Variants in SDCBP observed in about 807,000 individuals in gnomAD.
The protein encoded by SDCBP is syntenin-1.
Under a neutral mutation model 30.5 loss-of-function variants are expected in SDCBP, and 22 were observed. That is an observed-to-expected ratio of 0.72 (90% confidence interval 0.52 to 1.03). The LOEUF (loss-of-function observed/expected upper bound fraction) is 1.03. Among genes scored for constraint, SDCBP ranks in the 50% least tolerant of loss-of-function variants. SDCBP has a pLI of 0.00. For missense variants in SDCBP, 304 were observed against 369.9 expected (o/e 0.82, Z 1.46); for synonymous variants, 103 against 118.7 (o/e 0.87, Z 0.86).
At chr8:58,570,090 A>C (rs1185279346) in intron 2 of SDCBP, among the ~76,000 whole-genome samples, 6 of 152,096 alleles carry the variant, frequency 3.9e-5, no homozygotes, top group African/African-American at 1.4e-4. Context: ...ACAACTTATT[A>C]CCAAACTTGT....
intron 1 of SDCBP, among the ~76,000 whole-genome samples, chr8:58,553,880 T>G (rs958256597): frequency 3.9e-5 from 6 of 152,234 alleles, no homozygotes; most frequent in African/African-American, 1.4e-4. Flanking sequence ...TTGTTCGCTT[T>G]GAGCTTTTTC....
intron 1 of SDCBP, among the ~76,000 whole-genome samples, chr8:58,555,824 T>C (rs1184911643): frequency 3.9e-5 from 6 of 152,012 alleles, no homozygotes; most frequent in Non-Finnish European, 7.4e-5. Context: ...AGTCCTCCTG[T>C]CTCAGCCTCT....
At chr8:58,568,612 G>A (rs375092235) in intron 2 of SDCBP, among the ~76,000 whole-genome samples, 4 of 152,146 alleles carry the variant, frequency 2.6e-5, no homozygotes, top group Non-Finnish European at 5.9e-5. Context: ...GACTGGCAGT[G>A]CAGTAAGCTT....
At chr8:58,580,742 G>A (rs1805644979) in intron 8 of SDCBP, 134 bp downstream of exon 8, 1 of 613,028 alleles carries the variant, frequency 1.6e-6, no homozygotes, top group African/African-American at 1.9e-5. Flanking sequence ...TTTGAAGTAA[G>A]TTATTTAAAT....
chr8:58,570,920 C>A lies in SDCBP; in HGVS notation c.85C>A (p.Pro29Thr), dbSNP rs1305591455. Reference protein sequence around the residue: ...QTAFSANPANPAILSEASAPI... With the variant: ...QTAFSANPANTAILSEASAPI... ...TGCTTTTTCTGCAAACCCTGCCAAT[C>A]CAGCAATTTTGTCAGAAGCTTCTGC... Residue 29 changes from proline to threonine, a missense_variant, in exon 3 of 9, where the codon CCA (proline) becomes ACA (threonine). Transcript: ENST00000260130. 1.1e-5 allele frequency: 17 copies of A among 1,613,258 alleles called. No homozygotes were observed. Among genetic ancestry groups the A allele is most frequent in the Non-Finnish European group, 1.4e-5 (16 of 1,179,562 alleles).
chr8:58,554,606 G>C (rs887422135), intron 1 of SDCBP, among the ~76,000 whole-genome samples: 1 of 152,108 alleles, frequency 6.6e-6, no homozygotes, highest in Non-Finnish European at 1.5e-5. Flanking sequence ...GATGTAAAAA[G>C]GGGAAAAAGA....
chr8:58,581,727 T>C lies in SDCBP; in HGVS notation c.884T>C (p.Ile295Thr). The change falls in exon 9 of 9, where the codon ATT (isoleucine) becomes ACT (threonine). Residue 295 changes from isoleucine to threonine, a missense_variant. By Grantham distance (89) the Ile-to-Thr change is moderately conservative (BLOSUM62 -1). Coordinates refer to ENST00000260130, the MANE Select transcript of SDCBP (RefSeq NM_005625.4). ...SIMKSLMDHT[I>T]PEV ...ATGAAAAGCCTAATGGACCACACCA[T>C]TCCTGAGGTTTAAAATTCACGGCAC... is the stretch of plus-strand genomic sequence containing the variant. 1 of 1,612,172 alleles carries C rather than the reference T, an allele frequency of 6.2e-7. No individual in the cohort carries two copies. The highest frequency in any genetic ancestry group is 8.5e-7 in the Non-Finnish European group (1 of 1,179,154).
rs762116912 is a variant in SDCBP at position 58,570,867 on chromosome 8, TTTC to T, written c.52-14_52-12del. The stretch of plus-strand genomic sequence containing the variant: ...AGTAAGTATAGCATATTGTTAGAAT[TTTC>T]TTCTTTTCTTTTTCAGGCTCAAACT... On this transcript the variant is annotated splice_polypyrimidine_tract_variant and intron_variant, in intron 2 of 8. Coordinates refer to ENST00000260130, the MANE Select transcript of SDCBP (RefSeq NM_005625.4). 2 of 1,586,582 alleles carry T rather than the reference TTTC, an allele frequency of 1.3e-6. No individual in the cohort carries two copies. The highest frequency in any genetic ancestry group is 1.3e-5 in the African/African-American group (1 of 74,484).
At position 58,578,032 on chromosome 8, in the gene SDCBP, G is replaced by A. The variant is rs1207185462; in HGVS notation, c.403-1G>A. ...ACAAAAATTATTTTCTTATTATCTA[G>A]GGTATATTTGTTCAGCTAGTCCAGG... is the stretch of plus-strand genomic sequence containing the variant. On this transcript the variant is annotated splice_acceptor_variant, in intron 5 of 8. Coordinates refer to ENST00000260130, the MANE Select transcript of SDCBP (RefSeq NM_005625.4). LOFTEE classifies it high-confidence loss of function. 1 of 1,610,202 alleles carries A rather than the reference G, an allele frequency of 6.2e-7. No individual in the cohort carries two copies.
chr8:58,571,567 C>T (rs1003046011), intron 3 of SDCBP, among the ~76,000 whole-genome samples: 4 of 152,058 alleles, frequency 2.6e-5, no homozygotes, highest in Non-Finnish European at 5.9e-5. Context: ...CATTGTGCCT[C>T]ATAGAAAATT....
chr8:58,564,953 G>T, intron 1 of SDCBP, 66 bp from the exon 2 acceptor site: 1 of 803,782 alleles, frequency 1.2e-6, no homozygotes, highest in Non-Finnish European at 2.1e-6. Context: ...TGTGTCTGTG[G>T]TTAGCTGTGT....
intron 1 of SDCBP, among the ~76,000 whole-genome samples, chr8:58,559,837 A>C (rs535465770): frequency 5.9e-4 from 90 of 152,332 alleles, no homozygotes; most frequent in African/African-American, 2.0e-3. Context: ...GCTGCAGTGA[A>C]GATGGTAGGA....
In SDCBP at chr8:58,572,225, C is replaced by G. The variant is rs1805065254; in HGVS notation, c.151C>G (p.Pro51Ala). 1.9e-6 allele frequency: 3 copies of G among 1,606,726 alleles called. No homozygotes were observed. The highest frequency in any genetic ancestry group is 1.7e-6 in the Non-Finnish European group (2 of 1,175,014). Residue 51 changes from proline to alanine, a missense_variant, in exon 4 of 9, where the codon CCA becomes GCA. Transcript: ENST00000260130. Reference protein sequence around the residue: ...HDGNLYPRLYPELSQYMGLSL... With the variant: ...HDGNLYPRLYAELSQYMGLSL... ...TTTAGATCTCTATCCCAGACTGTAT[C>G]CAGAGCTCTCTCAATACATGGGGCT...
intron 1 of SDCBP, chr8:58,560,509 T>C (rs1804379425): frequency 6.6e-6 from 1 of 151,250 alleles, no homozygotes; most frequent in Admixed American, 6.6e-5. Flanking sequence ...GGAGTGGACA[T>C]ACTCTAAAAG....
Position 58,577,934 on chromosome 8 carries a change from G to A in SDCBP, c.403-99G>A, listed in dbSNP as rs1484562682. On this transcript the variant is annotated intron_variant, in intron 5 of 8. Coordinates refer to ENST00000260130, the MANE Select transcript of SDCBP (RefSeq NM_005625.4). ...TTTTTCTTTCTTTTTTGTCACTGGGGTAGAGTTTTCAACATAAACAGTTGT... is the reference window on the plus strand; with the variant it reads ...TTTTTCTTTCTTTTTTGTCACTGGGATAGAGTTTTCAACATAAACAGTTGT... The A allele has an allele frequency of 1.5e-5, 13 of 883,912 alleles. No homozygotes were observed. In the Admixed American group the frequency reaches 2.9e-4, roughly 19 times the overall value. The allele number at this position is 883,912 out of a possible 1,614,324, so 54.8% of individuals were successfully genotyped here.
chr8:58,580,041 G>A (rs761889454), intron 7 of SDCBP: 27 of 356,930 alleles, frequency 7.6e-5, no homozygotes, highest in Non-Finnish European at 1.0e-4. Context: ...GGAAATATGG[G>A]CAACAAAGAT....
At chr8:58,556,085 AT>A (rs1804081247) in intron 1 of SDCBP, among the ~76,000 whole-genome samples, 1 of 152,220 alleles carries the variant, frequency 6.6e-6, no homozygotes, top group African/African-American at 2.4e-5. Flanking sequence ...CTGTCATATA[AT>A]TTTTTAAAAA....
intron 4 of SDCBP, among the ~76,000 whole-genome samples, chr8:58,574,489 G>T (rs764810629): frequency 3.3e-5 from 5 of 152,062 alleles, no homozygotes; most frequent in Non-Finnish European, 5.9e-5. Context: ...AGATCCCTTT[G>T]CCCAAATACC....
intron 1 of SDCBP, among the ~76,000 whole-genome samples, chr8:58,553,780 T>C (rs939450376): frequency 8.5e-5 from 13 of 152,226 alleles, no homozygotes; most frequent in African/African-American, 2.9e-4. Context: ...TTCTTTTGGG[T>C]TATTCGGAAA....
Sources: allele counts gnomAD v4.1 joint callset (sites outside exome capture counted in the v4.1 genomes callset), GRCh38; gene constraint gnomAD v4.1.1; transcripts MANE v1.5; gene names NCBI Gene and HGNC (gene_info 2026-07-23, HGNC 2026-07-21).